The following RAB8A variants were observed in gnomAD, a reference collection of about 807,000 sequenced individuals.
RAB8A encodes the protein ras-related protein Rab-8A.
Under a neutral mutation model 29.2 loss-of-function variants are expected in RAB8A, and 5 were observed. The ratio of observed to expected loss-of-function variants is 0.17; its 90% CI spans 0.09 to 0.36. RAB8A has a LOEUF of 0.36. Ranked by LOEUF, RAB8A falls within the 10% of genes least tolerant of loss-of-function variation. The pLI is 1.00. For synonymous variants in RAB8A, 108 were observed against 99.9 expected (o/e 1.08, Z -0.49); for missense variants, 171 against 272.2 (o/e 0.63, Z 2.62).
chr19:16,118,357 C>A, intron 2 of RAB8A, 71 bp downstream of exon 2: 1 of 1,394,962 alleles, frequency 7.2e-7, no homozygotes. Flanking sequence ...TTGGCCTTCT[C>A]CCTCCACCGT....
chr19:16,127,088 G>A lies in RAB8A; in HGVS notation c.325-349G>A, dbSNP rs922876086. The stretch of plus-strand genomic sequence containing the variant: ...CAGGGAGGGAAGGAGGAAAGCCAAG[G>A]TCGGGGGGTAAATATCTCAGCCTCA... On this transcript the variant is annotated intron_variant, in intron 4 of 7. Transcript: ENST00000300935. This position sits in a 1 kb window ranked among gnomAD's most constrained non-coding sequence, Gnocchi z 4.8. The A allele has an allele frequency of 5.6e-6, 1 of 178,776 alleles. No individual in the cohort carries two copies. Among genetic ancestry groups the A allele is most frequent in the African/African-American group, 2.3e-5 (1 of 42,622 alleles). The allele number at this position is 178,776 out of a possible 1,614,324, so 11.1% of individuals were successfully genotyped here. A position where few individuals can be genotyped will look rare whatever the true frequency, so the allele number is the denominator to read the frequency against.
chr19:16,114,963 A>G (rs1163751392), intron 1 of RAB8A, among the ~76,000 whole-genome samples: 1 of 152,166 alleles, frequency 6.6e-6, no homozygotes, highest in African/African-American at 2.4e-5. Context: ...TAAAACCCAG[A>G]GGAGTGTAGG....
intron 3 of RAB8A, chr19:16,124,274 G>A (rs2090887845): frequency 6.6e-6 from 1 of 152,190 alleles, no homozygotes; most frequent in South Asian, 2.1e-4. Flanking sequence ...GAGGATTTGG[G>A]GTTGCAGTGA....
intron 2 of RAB8A, among the ~76,000 whole-genome samples, chr19:16,120,234 G>A (rs1019613309): frequency 1.3e-5 from 2 of 152,106 alleles, no homozygotes; most frequent in South Asian, 2.1e-4. Context: ...CAGCAGGGCC[G>A]TGGGAGGAAC....
rs1316899269 is a variant in RAB8A at position 16,119,269 on chromosome 19, G to GATCTTGTC, written c.185+984_185+991dup. Among the ~76,000 whole-genome samples, 3 of 151,922 alleles carry GATCTTGTC rather than the reference G, an allele frequency of 2.0e-5. No homozygotes were observed. In the East Asian group the frequency reaches 5.8e-4, roughly 29 times the overall value. ...CGCCTAGGCTGGAGTGCAATGGCGC[G>GATCTTGTC]ATCTTGTCTCACCGCAACCTCTGCC... is the stretch of plus-strand genomic sequence containing the variant. On this transcript the variant is annotated intron_variant, in intron 2 of 7. Transcript: ENST00000300935.
At chr19:16,129,751 T>G in intron 7 of RAB8A, 147 bp downstream of exon 7, 2 of 825,390 alleles carry the variant, frequency 2.4e-6, no homozygotes, top group Non-Finnish European at 4.0e-6. Context: ...GGGAAGAGTT[T>G]GCAGGTGTGG....
chr19:16,116,003 CT>C (rs762068757), intron 1 of RAB8A, among the ~76,000 whole-genome samples: 6 of 152,174 alleles, frequency 3.9e-5, no homozygotes, highest in Non-Finnish European at 7.3e-5. Context: ...CCATTATGAT[CT>C]GCAAGCATTA....
At chr19:16,113,165 G>A (rs2090831541) in intron 1 of RAB8A, among the ~76,000 whole-genome samples, 1 of 152,206 alleles carries the variant, frequency 6.6e-6, no homozygotes, top group African/African-American at 2.4e-5. Flanking sequence ...CAATGAAAAG[G>A]TTTGACCCAG....
Position 16,127,403 on chromosome 19 carries a change from G to C in RAB8A, c.325-34G>C. On this transcript the variant is annotated intron_variant, in intron 4 of 7. Coordinates refer to ENST00000300935, the MANE Select transcript of RAB8A (RefSeq NM_005370.5). This position sits in a 1 kb window ranked among gnomAD's most constrained non-coding sequence, Gnocchi z 4.8. ...CAGAGGCACCTGGCCTGTGTCATCCGGTCTGATCCCCCGTCTGTCCCCCTC... is the reference window on the plus strand; with the variant it reads ...CAGAGGCACCTGGCCTGTGTCATCCCGTCTGATCCCCCGTCTGTCCCCCTC... The C allele has an allele frequency of 1.4e-6, 2 of 1,389,824 alleles. No individual in the cohort carries two copies. The highest frequency in any genetic ancestry group is 1.9e-6 in the Non-Finnish European group (2 of 1,049,520). 86.1% of individuals were successfully genotyped at this position (1,389,824 alleles called of 1,614,324 possible).
intron 1 of RAB8A, among the ~76,000 whole-genome samples, chr19:16,114,575 G>C (rs2090838657): frequency 7.3e-6 from 1 of 136,472 alleles, no homozygotes; most frequent in Non-Finnish European, 1.6e-5. Context: ...TTTTTTAGTA[G>C]AGATGGGGTT....
rs775041655 is a variant in RAB8A at position 16,128,039 on chromosome 19, A to G, written c.428A>G (p.Tyr143Cys). Residue 143 changes from tyrosine (Y) to cysteine (C), a missense_variant, in exon 6 of 8, where the codon TAT becomes TGT. Around this residue, in one of 3 missense-constraint regions of RAB8A, gnomAD observed 145 missense variants for 212.8 expected, o/e 0.68. Coordinates refer to ENST00000300935, the MANE Select transcript of RAB8A (RefSeq NM_005370.5). ...KERGEKLALD[Y>C]GIKFMETSAK... ...CCTCTCTCACAGCTGGCCCTCGACT[A>G]TGGAATCAAGTTCATGGAGACCAGC... is the stretch of plus-strand genomic sequence containing the variant. The G allele has an allele frequency of 5.6e-6, 9 of 1,614,122 alleles. No individual in the cohort carries two copies. The highest frequency in any genetic ancestry group is 7.6e-6 in the Non-Finnish European group (9 of 1,179,996).
intron 1 of RAB8A, chr19:16,112,250 G>A: frequency 1.7e-6 from 1 of 578,298 alleles, no homozygotes; most frequent in Non-Finnish European, 3.0e-6. Flanking sequence ...CTGAGGCTCC[G>A]ACCCTCAGCC....
At chr19:16,118,896 G>A (rs1193406336) in intron 2 of RAB8A, among the ~76,000 whole-genome samples, 5 of 152,214 alleles carry the variant, frequency 3.3e-5, no homozygotes, top group Admixed American at 6.5e-5. Context: ...AGTCGCCATC[G>A]CTGGCCTGAT....
intron 2 of RAB8A, 120 bp from the exon 3 acceptor site, chr19:16,121,629 GA>G (rs2144989346): frequency 1.2e-6 from 1 of 824,760 alleles, no homozygotes. Flanking sequence ...CTTAGCAGAA[GA>G]AGGTATCACA....
At chr19:16,116,429 T>C (rs2090845925) in intron 1 of RAB8A, among the ~76,000 whole-genome samples, 1 of 152,226 alleles carries the variant, frequency 6.6e-6, no homozygotes, top group Admixed American at 6.5e-5. Context: ...CGCATACAGT[T>C]CACCCATTTG....
At chr19:16,130,882 G>A (rs1377010143) in intron 7 of RAB8A, among the ~76,000 whole-genome samples, 1 of 151,832 alleles carries the variant, frequency 6.6e-6, no homozygotes, top group East Asian at 1.9e-4. Flanking sequence ...AGAGTGCAAT[G>A]GTGCAATCCC....
chr19:16,116,096 C>A (rs950259571), intron 1 of RAB8A, among the ~76,000 whole-genome samples: 1 of 152,202 alleles, frequency 6.6e-6, no homozygotes, highest in Non-Finnish European at 1.5e-5. Flanking sequence ...TGAGGATGGT[C>A]AGAAAGGTTC....
Position 16,112,015 on chromosome 19 carries a change from C to A in RAB8A, c.114C>A (p.Ile38=), listed in dbSNP as rs1435494724. 6.2e-7 allele frequency: 1 copy of A among 1,614,004 alleles called. No individual in the cohort carries two copies. Among genetic ancestry groups the A allele is most frequent in the Admixed American group, 1.7e-5 (1 of 60,026 alleles). The change falls in exon 1 of 8, where the codon ATC becomes ATA. Residue 38 remains isoleucine, a synonymous_variant. Coordinates refer to ENST00000300935, the MANE Select transcript of RAB8A (RefSeq NM_005370.5). Reference sequence around the variant, plus strand: ...AGGACGCCTTCAACTCCACTTTTATCTCCACCATAGGTAACGGGACCGGGG... The same window carrying A: ...AGGACGCCTTCAACTCCACTTTTATATCCACCATAGGTAACGGGACCGGGG... ...FSEDAFNSTF[I]STIGIDFKIR...
In RAB8A at chr19:16,112,234, G is replaced by A. The variant is rs570524084; in HGVS notation, c.124+209G>A. 1.0e-3 allele frequency: 657 copies of A among 635,314 alleles called. 1 individual carries two copies. Among genetic ancestry groups the A allele is most frequent in the Non-Finnish European group, 1.4e-3 (539 of 378,260 alleles). 39.4% of individuals were successfully genotyped at this position (635,314 alleles called of 1,614,324 possible). A position where few individuals can be genotyped will look rare whatever the true frequency, so the allele number is the denominator to read the frequency against. ...AGACCAGGTGCCCATTTTGCAGATA[G>A]GGAGACTGAGGCTCCGACCCTCAGC... On this transcript the variant is annotated intron_variant, in intron 1 of 7. Transcript: ENST00000300935.
Sources: allele counts gnomAD v4.1 joint callset (sites outside exome capture counted in the v4.1 genomes callset), GRCh38; gene constraint gnomAD v4.1.1; regional missense constraint gnomAD v4.1.1; non-coding constraint Gnocchi (gnomAD v3.1); transcripts MANE v1.5; gene names NCBI Gene and HGNC (gene_info 2026-07-23, HGNC 2026-07-21).